KLF15: variants seen among roughly 807,000 people sequenced by gnomAD.
The protein encoded by KLF15 is Krueppel-like factor 15.
In KLF15, 4 loss-of-function variants were observed where a neutral mutation model predicts 24.6. That is an observed-to-expected ratio of 0.16 (90% confidence interval 0.08 to 0.37). The LOEUF is 0.37. Among genes scored for constraint, KLF15 ranks in the 10% least tolerant of loss-of-function variants. KLF15 has a pLI of 1.00. For missense variants in KLF15, 496 were observed against 560.6 expected, an observed-to-expected ratio of 0.88 and a Z score of 1.16; for synonymous variants, 246 against 236.3, an observed-to-expected ratio of 1.04 and a Z score of -0.37.
At chr3:126,315,992 C>T in the KLF15 span, among the ~76,000 whole-genome samples, 947 of 152,256 alleles carry the variant, frequency 6.2e-3, 8 homozygotes, top group African/African-American at 0.022. Flanking sequence ...CAGGGGTTGG[C>T]AAGCCGCACT....
At chr3:126,296,582 A>G in the KLF15 span, among the ~76,000 whole-genome samples, 7 of 152,258 alleles carry the variant, frequency 4.6e-5, no homozygotes, top group African/African-American at 1.7e-4. Context: ...AGAGGCCTGC[A>G]GCCTAGGGAT....
chr3:126,343,179 C>G lies in KLF15; in HGVS notation c.*548G>C, dbSNP rs952596922. 5.0e-5 allele frequency: 3 copies of G among 59,916 alleles called. No individual in the cohort carries two copies. Among genetic ancestry groups the G allele is most frequent in the East Asian group, 6.4e-4 (1 of 1,564 alleles). The allele number at this position is 59,916 out of a possible 1,614,324, so 3.7% of individuals were successfully genotyped here. A position where few individuals can be genotyped will look rare whatever the true frequency, so the allele number is the denominator to read the frequency against. The stretch of plus-strand genomic sequence containing the variant: ...CCCCCCCCCCCCCCCCCCCCCCCCC[C>G]GGCTCCAGGGACCTGCCCACACCCT... On this transcript the variant is annotated 3_prime_UTR_variant, in exon 3 of 3. Coordinates refer to ENST00000296233, the MANE Select transcript of KLF15 (RefSeq NM_014079.4).
chr3:126,298,041 G>A, the KLF15 span, among the ~76,000 whole-genome samples: 3 of 152,262 alleles, frequency 2.0e-5, no homozygotes, highest in African/African-American at 4.8e-5. Context: ...TTCCGTAGTG[G>A]TTGTACTAGT....
rs200043669 is a variant in KLF15, at chr3:126,356,322, TCAAA to T, written c.-26+911_-26+914del. ...ACAGGGGGAAGGAGATTTGAGGCTC[TCAAA>T]CAATTGTTGATTTTGTCACCTCCGA... On this transcript the variant is annotated intron_variant, in intron 1 of 2. Coordinates refer to ENST00000296233, the MANE Select transcript of KLF15 (RefSeq NM_014079.4). This position sits in a 1 kb window ranked among gnomAD's most constrained non-coding sequence, Gnocchi z 4.4. Among the ~76,000 whole-genome samples, 1,006 of 152,194 alleles carry T rather than the reference TCAAA, an allele frequency of 6.6e-3. 4 individuals carry two copies. Among genetic ancestry groups the T allele is most frequent in the African/African-American group, 0.022 (907 of 41,516 alleles).
At chr3:126,297,363 T>A in the KLF15 span, among the ~76,000 whole-genome samples, 2 of 152,230 alleles carry the variant, frequency 1.3e-5, no homozygotes, top group Non-Finnish European at 2.9e-5. Flanking sequence ...TTAATTAATT[T>A]ATTATTGCCC....
chr3:126,321,322 T>C, the KLF15 span, among the ~76,000 whole-genome samples: 8 of 152,272 alleles, frequency 5.3e-5, no homozygotes, highest in African/African-American at 1.9e-4. Flanking sequence ...AAATATGTCA[T>C]TGACAAATGA....
the KLF15 span, among the ~76,000 whole-genome samples, chr3:126,310,944 C>T: frequency 6.6e-6 from 1 of 152,190 alleles, no homozygotes; most frequent in Non-Finnish European, 1.5e-5. Flanking sequence ...CTCTCTCTCA[C>T]CTGCTCAGCT....
the KLF15 span, among the ~76,000 whole-genome samples, chr3:126,315,748 A>G: frequency 6.6e-6 from 1 of 152,314 alleles, no homozygotes; most frequent in African/African-American, 2.4e-5. Flanking sequence ...ACTCCAAATC[A>G]CTTCAAGAAG....
chr3:126,290,788 A>G, the KLF15 span: 1 of 152,276 alleles, frequency 6.6e-6, no homozygotes, highest in Admixed American at 6.5e-5. Flanking sequence ...GTCACTTTAC[A>G]TATTATTTGG....
chr3:126,333,306 A>G, the KLF15 span, among the ~76,000 whole-genome samples: 16 of 127,314 alleles, frequency 1.3e-4, no homozygotes, highest in Non-Finnish European at 1.7e-4. Context: ...CCAGAATTTC[A>G]TATCCAGCCA....
the KLF15 span, among the ~76,000 whole-genome samples, chr3:126,330,652 AC>A: frequency 9.5e-4 from 144 of 151,534 alleles, 1 homozygote; most frequent in African/African-American, 3.3e-3. Context: ...TGTCCTATTC[AC>A]CCTTTGCCTT....
At chr3:126,317,262 G>A in the KLF15 span, among the ~76,000 whole-genome samples, 1 of 152,184 alleles carries the variant, frequency 6.6e-6, no homozygotes, top group East Asian at 1.9e-4. Context: ...TAGGTAGCTA[G>A]TCAGACATGA....
chr3:126,338,403 T>A (rs1328923298), downstream of KLF15, among the ~76,000 whole-genome samples: 1 of 152,246 alleles, frequency 6.6e-6, no homozygotes, highest in East Asian at 1.9e-4. Context: ...CTTTCCTCTG[T>A]CAAGGTGACG....
chr3:126,298,828 C>A, the KLF15 span, among the ~76,000 whole-genome samples: 1 of 152,072 alleles, frequency 6.6e-6, no homozygotes, highest in Non-Finnish European at 1.5e-5. Flanking sequence ...GGTCTATATG[C>A]CTATTTTTAT....
intron 2 of KLF15, among the ~76,000 whole-genome samples, chr3:126,344,519 C>T (rs1264510495): frequency 6.6e-6 from 1 of 152,174 alleles, no homozygotes; most frequent in African/African-American, 2.4e-5. Context: ...CACAGCCCAC[C>T]CAGTGTGCAG....
At chr3:126,316,496 G>A in the KLF15 span, among the ~76,000 whole-genome samples, 1 of 149,868 alleles carries the variant, frequency 6.7e-6, no homozygotes, top group Middle Eastern at 3.5e-3. Context: ...AGGCCGGAGT[G>A]GGACTGGGAG....
chr3:126,308,992 G>A, the KLF15 span, among the ~76,000 whole-genome samples: 1 of 152,182 alleles, frequency 6.6e-6, no homozygotes, highest in Non-Finnish European at 1.5e-5. Context: ...GGAAAGGGGA[G>A]AGAGAGAAAG....
At chr3:126,357,014 G>T (rs1296868827) in intron 1 of KLF15, among the ~76,000 whole-genome samples, 1 of 151,590 alleles carries the variant, frequency 6.6e-6, no homozygotes, top group Non-Finnish European at 1.5e-5. Context: ...TCAGCAAAGT[G>T]CTGGTGGGCG....
At chr3:126,289,777 C>G in the KLF15 span, among the ~76,000 whole-genome samples, 3 of 152,120 alleles carry the variant, frequency 2.0e-5, no homozygotes, top group Non-Finnish European at 4.4e-5. Context: ...TTCTGTAAAC[C>G]TGAAAATATC....
Sources: gnomAD v4.1 joint callset for allele counts (sites outside exome capture counted in the v4.1 genomes callset) on GRCh38, gnomAD v4.1.1 for gene constraint, Gnocchi (gnomAD v3.1) non-coding constraint, MANE v1.5 for transcripts, NCBI Gene and HGNC (gene_info 2026-07-23, HGNC 2026-07-21) for gene names.